HKDC1: variants seen among roughly 807,000 people sequenced by gnomAD.
HKDC1 encodes the protein hexokinase HKDC1.
A neutral mutation model predicts 96.6 loss-of-function variants in HKDC1; 66 were observed. The ratio of observed to expected loss-of-function variants is 0.68; its 90% CI spans 0.56 to 0.84. The LOEUF is 0.84. Among genes scored for constraint, HKDC1 ranks in the 40% least tolerant of loss-of-function variants. The pLI is 0.00. For missense variants in HKDC1, 1,211 were observed against 1,208.1 expected (o/e 1.00, Z -0.04); for synonymous variants, 466 against 473.1 (o/e 0.98, Z 0.20).
chr10:69,255,824 C>T (rs369303387), intron 12 of HKDC1, among the ~76,000 whole-genome samples: 7 of 150,982 alleles, frequency 4.6e-5, no homozygotes, highest in East Asian at 3.9e-4. Flanking sequence ...GGCTGAGGCA[C>T]GAGAATCGCC....
chr10:69,260,780 C>T (rs1465565751), intron 15 of HKDC1, among the ~76,000 whole-genome samples: 2 of 152,152 alleles, frequency 1.3e-5, no homozygotes, highest in Admixed American at 1.3e-4. Flanking sequence ...CTTTTGAGCA[C>T]CCCTGGTGCA....
At chr10:69,239,178 A>G (rs973438031) in intron 5 of HKDC1, 41 bp downstream of exon 5, 5 of 1,510,592 alleles carry the variant, frequency 3.3e-6, no homozygotes, top group Middle Eastern at 1.7e-4. Context: ...TCCCAGCCCT[A>G]GCTCCTTTCT....
intron 17 of HKDC1, 62 bp from the exon 18 acceptor site, chr10:69,266,548 C>G: frequency 1.3e-6 from 2 of 1,535,272 alleles, no homozygotes; most frequent in South Asian, 2.4e-5. Flanking sequence ...AGATTATGAT[C>G]ATTTATAAAT....
At position 69,261,023 on chromosome 10, in the gene HKDC1, G is replaced by A. The variant is rs544484803; in HGVS notation, c.2217-116G>A. ...TGCTCACATCAAGCAGCTAGTATGTGGCAGAGCTAGGATCTGGATCTTGCT... is the reference window on the plus strand; with the variant it reads ...TGCTCACATCAAGCAGCTAGTATGTAGCAGAGCTAGGATCTGGATCTTGCT... On this transcript the variant is annotated intron_variant, in intron 15 of 17. Transcript: ENST00000354624. 1.3e-4 allele frequency: 114 copies of A among 865,560 alleles called. 1 individual carries two copies. The African/African-American group carries it at 1.8e-3, about 13-fold the overall frequency. The allele number at this position is 865,560 out of a possible 1,614,324, so 53.6% of individuals were successfully genotyped here.
intron 4 of HKDC1, among the ~76,000 whole-genome samples, chr10:69,235,777 G>A (rs1463222221): frequency 1.3e-5 from 2 of 152,138 alleles, no homozygotes; most frequent in Non-Finnish European, 2.9e-5. Flanking sequence ...ATCCATCCAG[G>A]ATTTTGTCAT....
chr10:69,232,845 G>T lies in HKDC1; in HGVS notation c.308G>T (p.Arg103Leu). ...LKVQVAEEGK[R>L]HVQMESQFYP... Reference sequence around the variant, plus strand: ...GTGCAAGTCGCTGAAGAGGGGAAGCGACACGTGCAGATGGAGAGTCAGTTC... The same window carrying T: ...GTGCAAGTCGCTGAAGAGGGGAAGCTACACGTGCAGATGGAGAGTCAGTTC... Residue 103 changes from arginine to leucine, a missense_variant, in exon 3 of 18, where the codon CGA becomes CTA. Coordinates refer to ENST00000354624, the MANE Select transcript of HKDC1 (RefSeq NM_025130.4). 1 of 1,614,086 alleles carries T rather than the reference G, an allele frequency of 6.2e-7. No individual in the cohort carries two copies. Among genetic ancestry groups the T allele is most frequent in the Non-Finnish European group, 8.5e-7 (1 of 1,180,032 alleles).
At chr10:69,225,136 C>G (rs1336784470) in intron 1 of HKDC1, among the ~76,000 whole-genome samples, 5 of 152,184 alleles carry the variant, frequency 3.3e-5, no homozygotes, top group Non-Finnish European at 7.3e-5. Flanking sequence ...CATTAAACCC[C>G]AGTCGCAAAT....
intron 16 of HKDC1, among the ~76,000 whole-genome samples, chr10:69,263,255 C>A (rs913286546): frequency 6.6e-6 from 1 of 152,096 alleles, no homozygotes; most frequent in Non-Finnish European, 1.5e-5. Context: ...CACACCACCA[C>A]ACCTAGCTAA....
intron 2 of HKDC1, among the ~76,000 whole-genome samples, chr10:69,228,275 C>A (rs1843194604): frequency 6.6e-6 from 1 of 152,108 alleles, no homozygotes; most frequent in African/African-American, 2.4e-5. Context: ...TGACCTTCTG[C>A]CTCCTTTCAA....
At chr10:69,256,665 G>A (rs1285895912) in intron 12 of HKDC1, among the ~76,000 whole-genome samples, 3 of 151,754 alleles carry the variant, frequency 2.0e-5, no homozygotes, top group African/African-American at 7.3e-5. Context: ...CCGAGATCAC[G>A]CCATTGCACT....
chr10:69,252,643 CAAAAAAA>C (rs71471534), intron 12 of HKDC1, among the ~76,000 whole-genome samples: 1 of 64,556 alleles, frequency 1.5e-5, no homozygotes, highest in Non-Finnish European at 2.9e-5. Context: ...GACTCTGTCT[CAAAAAAA>C]AAAAAAAAAA....
chr10:69,261,537 T>G (rs1318341738), intron 16 of HKDC1: 1 of 431,582 alleles, frequency 2.3e-6, no homozygotes, highest in African/African-American at 1.9e-5. Flanking sequence ...TGGGCTAATT[T>G]GAAACAAACC....
At chr10:69,249,488 ATTTTAT>A (rs963810329) in intron 10 of HKDC1, among the ~76,000 whole-genome samples, 4 of 152,040 alleles carry the variant, frequency 2.6e-5, no homozygotes, top group Non-Finnish European at 5.9e-5. Context: ...GACACTGTTT[ATTTTAT>A]TTTTATTTTT....
intron 4 of HKDC1, among the ~76,000 whole-genome samples, chr10:69,234,907 G>A (rs1843336932): frequency 2.0e-5 from 3 of 152,224 alleles, no homozygotes; most frequent in Admixed American, 2.0e-4. Context: ...CTATACAGGG[G>A]ACAGGCTGAG....
At chr10:69,261,909 T>A (rs997099756) in intron 16 of HKDC1, 1 of 213,414 alleles carries the variant, frequency 4.7e-6, no homozygotes, top group Non-Finnish European at 9.8e-6. Flanking sequence ...ATTTTGTGGA[T>A]TGCAGCATTT....
chr10:69,250,295 G>A lies in HKDC1; in HGVS notation c.1576G>A (p.Gly526Arg), dbSNP rs779068295. Reference protein sequence around the residue: ...VCGLPDGTEKGKFLALDLGGT... With the variant: ...VCGLPDGTEKRKFLALDLGGT... ...TGCTGCTTTCTCCATCACAGAGAAA[G>A]GAAAGTTTCTCGCCCTGGATCTTGG... The change falls in exon 11 of 18, where the codon GGA becomes AGA. Residue 526 changes from glycine to arginine, a missense_variant. Gly to Arg is a moderately radical substitution (Grantham distance 125). Transcript: ENST00000354624. 1 of 1,612,960 alleles carries A rather than the reference G, an allele frequency of 6.2e-7. No individual in the cohort carries two copies.
Position 69,248,311 on chromosome 10 carries a change from G to C in HKDC1, c.1266-113G>C, listed in dbSNP as rs1383880990. On this transcript the variant is annotated intron_variant, in intron 9 of 17. Transcript: ENST00000354624. ...CCTCCCTACCATCAGCAAATAAAGG[G>C]CTGAGCCCCGCCCCGCAGGGCCCTC... The C allele has an allele frequency of 5.5e-6, 6 of 1,095,978 alleles. No individual in the cohort carries two copies. The African/African-American group carries it at 9.6e-5, about 17-fold the overall frequency. 67.9% of individuals were successfully genotyped at this position (1,095,978 alleles called of 1,614,324 possible).
chr10:69,236,660 A>C (rs942823131), intron 4 of HKDC1, among the ~76,000 whole-genome samples: 1 of 151,768 alleles, frequency 6.6e-6, no homozygotes, highest in Non-Finnish European at 1.5e-5. Flanking sequence ...CATGCCTGTA[A>C]TCCCAGCTAC....
Position 69,233,176 on chromosome 10 carries a change from G to A in HKDC1, c.495+43G>A, listed in dbSNP as rs201983673. 11 of 1,610,638 alleles carry A rather than the reference G, an allele frequency of 6.8e-6. No homozygotes were observed. In the African/African-American group the frequency reaches 1.1e-4, roughly 16 times the overall value. ...GCAGCAGTGCAGGAATTGGGGCTTGGGGAATGTGGGCACGGGTGGGAGTCA... is the reference window on the plus strand; with the variant it reads ...GCAGCAGTGCAGGAATTGGGGCTTGAGGAATGTGGGCACGGGTGGGAGTCA... On this transcript the variant is annotated intron_variant, in intron 4 of 17. Transcript: ENST00000354624.
Sources: allele counts gnomAD v4.1 joint callset (sites outside exome capture counted in the v4.1 genomes callset), GRCh38; gene constraint gnomAD v4.1.1; transcripts MANE v1.5; gene names NCBI Gene and HGNC (gene_info 2026-07-23, HGNC 2026-07-21).